Variants in FAM193A observed in about 807,000 individuals in gnomAD.
FAM193A encodes the protein family with sequence similarity 193 member A.
In FAM193A, 22 loss-of-function variants were observed where a neutral mutation model predicts 126.5. The observed-to-expected ratio is 0.17, with a 90% CI of 0.12 to 0.25. FAM193A has a LOEUF of 0.25. Ranked by LOEUF, FAM193A falls within the 10% of genes least tolerant of loss-of-function variation. The pLI is 1.00. For missense variants in FAM193A, 1,675 were observed against 1,672.8 expected (o/e 1.00, Z -0.02); for synonymous variants, 761 against 646.8 (o/e 1.18, Z -2.68).
chr4:2,554,148 G>A (rs1738114448), intron 1 of FAM193A, among the ~76,000 whole-genome samples: 1 of 151,990 alleles, frequency 6.6e-6, no homozygotes, highest in African/African-American at 2.4e-5. Flanking sequence ...GCAGTGGCAC[G>A]ATCTCGGCTC....
At chr4:2,607,834 T>A in intron 2 of FAM193A, 4 of 587,516 alleles carry the variant, frequency 6.8e-6, no homozygotes, top group Non-Finnish European at 1.2e-5. Context: ...GTGGGATTTC[T>A]TTATATACAC....
At chr4:2,629,907 C>T (rs1054786686) in intron 4 of FAM193A, among the ~76,000 whole-genome samples, 6 of 152,094 alleles carry the variant, frequency 3.9e-5, no homozygotes, top group African/African-American at 9.7e-5. Context: ...CCAAGGCGGG[C>T]GGATCACAAG....
intron 1 of FAM193A, among the ~76,000 whole-genome samples, chr4:2,573,837 C>T (rs1300885070): frequency 1.3e-5 from 2 of 152,066 alleles, no homozygotes; most frequent in Non-Finnish European, 2.9e-5. Context: ...TGAACAAGGC[C>T]TGAGGGAGAT....
intron 7 of FAM193A, among the ~76,000 whole-genome samples, chr4:2,656,430 T>G (rs1484132838): frequency 6.6e-6 from 1 of 152,192 alleles, no homozygotes; most frequent in Non-Finnish European, 1.5e-5. Context: ...CCATATCGTT[T>G]AGTAAAGGGT....
rs965303713 is a variant in FAM193A, at chr4:2,583,872, T to C, written c.256-12212T>C. Among the ~76,000 whole-genome samples the C allele has an allele frequency of 3.0e-4, 45 of 152,298 alleles. 1 individual carries two copies. Among genetic ancestry groups the C allele is most frequent in the Admixed American group, 2.0e-3 (30 of 15,298 alleles). On this transcript the variant is annotated intron_variant, in intron 1 of 20. Transcript: ENST00000637812. Reference sequence around the variant, plus strand: ...TGGATATGAAGTTAGTCTGGCTGTTTTGCACTGTAAGGTTGAGCATTATGC... The same window carrying C: ...TGGATATGAAGTTAGTCTGGCTGTTCTGCACTGTAAGGTTGAGCATTATGC...
At chr4:2,658,790 G>A (rs1206436944) in intron 8 of FAM193A, among the ~76,000 whole-genome samples, 2 of 152,088 alleles carry the variant, frequency 1.3e-5, no homozygotes, top group Non-Finnish European at 2.9e-5. Flanking sequence ...TCACTCTGTC[G>A]TCCAGGCTGA....
intron 1 of FAM193A, among the ~76,000 whole-genome samples, chr4:2,550,105 C>G (rs1246767631): frequency 6.8e-6 from 1 of 147,932 alleles, no homozygotes; most frequent in Non-Finnish European, 1.5e-5. Context: ...GCCATGATTT[C>G]TGCTCACTGC....
At chr4:2,591,123 A>G (rs867519107) in intron 1 of FAM193A, among the ~76,000 whole-genome samples, 1 of 152,104 alleles carries the variant, frequency 6.6e-6, no homozygotes, top group Non-Finnish European at 1.5e-5. Flanking sequence ...AATTCACAGA[A>G]TAAAAAAGTT....
intron 5 of FAM193A, among the ~76,000 whole-genome samples, chr4:2,633,343 G>A (rs1743786195): frequency 6.6e-6 from 1 of 151,966 alleles, no homozygotes; most frequent in African/African-American, 2.4e-5. Flanking sequence ...AGGTTGCATT[G>A]AGCCAAGATT....
chr4:2,631,999 T>G (rs759271272), intron 5 of FAM193A, among the ~76,000 whole-genome samples: 9 of 152,122 alleles, frequency 5.9e-5, no homozygotes, highest in Admixed American at 2.0e-4. Flanking sequence ...TTGGGTGCTT[T>G]CTTTCTTTTA....
Position 2,663,295 on chromosome 4 carries a change from C to T in FAM193A, c.2079+7C>T. On this transcript the variant is annotated splice_region_variant and intron_variant, in intron 12 of 20. Transcript: ENST00000637812. ...ATCCTACCCAACACAGCAGGTAGGA[C>T]TTTGCTTGCTGTTTTGCCAAGGATC... 6.5e-7 allele frequency: 1 copy of T among 1,547,294 alleles called. No homozygotes were observed. The highest frequency in any genetic ancestry group is 1.2e-5 in the South Asian group (1 of 82,714).
rs200478327 is a variant in FAM193A at position 2,550,444 on chromosome 4, GTTTA to G, written c.255+13278_255+13281del. ...CTCTTGGTCGTTTGTTTGTTTGTTT[GTTTA>G]TTTTTGAGGCAGAGTTTCGCTCTTG... is the stretch of plus-strand genomic sequence containing the variant. On this transcript the variant is annotated intron_variant, in intron 1 of 20. Transcript: ENST00000637812. Among the ~76,000 whole-genome samples the G allele has an allele frequency of 8.3e-4, 126 of 151,766 alleles. No individual in the cohort carries two copies. The East Asian group carries it at 0.018, about 22-fold the overall frequency.
chr4:2,544,597 G>A (rs552427689), intron 1 of FAM193A, among the ~76,000 whole-genome samples: 6 of 152,074 alleles, frequency 3.9e-5, no homozygotes, highest in Non-Finnish European at 8.8e-5. Flanking sequence ...CTAGCTACTC[G>A]GGAGGCTGAG....
chr4:2,592,905 G>A (rs576773339), intron 1 of FAM193A, among the ~76,000 whole-genome samples: 1 of 152,298 alleles, frequency 6.6e-6, no homozygotes, highest in East Asian at 1.9e-4. Context: ...AGGGCCAGGA[G>A]CAGTGTGTGT....
rs899240797 is a variant in FAM193A at position 2,663,927 on chromosome 4, A to C, written c.2079+639A>C. On this transcript the variant is annotated intron_variant, in intron 12 of 20. Transcript: ENST00000637812. ...GGTTGCAGTGAGCCAAGATTGCGCC[A>C]CTGCACTTCAGCCTGGGCGACAAAG... 2.0e-5 allele frequency among the ~76,000 whole-genome samples: 3 copies of C among 152,388 alleles called. No individual in the cohort carries two copies. The South Asian group carries it at 6.2e-4, about 32-fold the overall frequency.
At chr4:2,667,728 C>T (rs1024439635) in intron 12 of FAM193A, among the ~76,000 whole-genome samples, 4 of 152,040 alleles carry the variant, frequency 2.6e-5, no homozygotes, top group Non-Finnish European at 5.9e-5. Flanking sequence ...CATTTTTATC[C>T]TGTATATGTC....
chr4:2,690,276 G>A (rs919625833), intron 14 of FAM193A, among the ~76,000 whole-genome samples: 13 of 152,048 alleles, frequency 8.5e-5, no homozygotes, highest in East Asian at 3.9e-4. Context: ...GTCTTCCTGC[G>A]GCCAGAGCTC....
intron 18 of FAM193A, among the ~76,000 whole-genome samples, chr4:2,697,506 C>T (rs942331759): frequency 3.3e-5 from 5 of 152,172 alleles, no homozygotes; most frequent in African/African-American, 1.2e-4. Context: ...GCAGAGGGAA[C>T]TTGTAGGTTC....
At position 2,559,226 on chromosome 4, in the gene FAM193A, C is replaced by T. The variant is rs142328876; in HGVS notation, c.255+22056C>T. On this transcript the variant is annotated intron_variant, in intron 1 of 20. Transcript: ENST00000637812. ...GTCAAATCATAGATGCATAGAACTT[C>T]AGAACTGGAGGGGACAACGACAGAG... 2.4e-3 allele frequency among the ~76,000 whole-genome samples: 362 copies of T among 152,244 alleles called. 3 individuals carry two copies. The highest frequency in any genetic ancestry group is 6.8e-3 in the Middle Eastern group (2 of 294).
Sources: allele counts gnomAD v4.1 joint callset (sites outside exome capture counted in the v4.1 genomes callset), GRCh38; gene constraint gnomAD v4.1.1; transcripts MANE v1.5; gene names NCBI Gene and HGNC (gene_info 2026-07-23, HGNC 2026-07-21).